CADM2: variants seen among roughly 807,000 people sequenced by gnomAD.
The protein encoded by CADM2 is cell adhesion molecule 2, also known as immunoglobulin superfamily member 4D.
CADM2 carries 12 observed loss-of-function variants against 49.8 expected under a neutral mutation model. That is an observed-to-expected ratio of 0.24 (90% CI 0.15 to 0.39). The LOEUF (loss-of-function observed/expected upper bound fraction) is 0.39. Ranked by LOEUF, CADM2 falls within the 10% of genes least tolerant of loss-of-function variation. The pLI, the probability that CADM2 is intolerant of heterozygous loss-of-function variation, is 1.00. For synonymous variants in CADM2, 214 were observed against 175.4 expected (o/e 1.22, Z -1.74); for missense variants, 378 against 492.3 (o/e 0.77, Z 2.20).
At chr3:84,999,965 G>A (rs954163152) in intron 1 of CADM2, among the ~76,000 whole-genome samples, 2 of 152,096 alleles carry the variant, frequency 1.3e-5, no homozygotes, top group Non-Finnish European at 2.9e-5. Flanking sequence ...CCCATAGCAT[G>A]TAGAAATTTC....
At chr3:85,736,636 G>T (rs1006573224) in intron 2 of CADM2, among the ~76,000 whole-genome samples, 15 of 151,678 alleles carry the variant, frequency 9.9e-5, no homozygotes, top group East Asian at 1.9e-4. Context: ...TTTCTGTTGG[G>T]TTTTTTTTCA....
At chr3:85,578,590 C>G (rs981373634) in intron 1 of CADM2, among the ~76,000 whole-genome samples, 24 of 152,210 alleles carry the variant, frequency 1.6e-4, no homozygotes, top group African/African-American at 5.5e-4. Context: ...GTCAGCATCA[C>G]TTTCTCTAGC....
intron 1 of CADM2, among the ~76,000 whole-genome samples, chr3:85,469,865 G>A (rs1157971106): frequency 6.6e-6 from 1 of 152,140 alleles, no homozygotes; most frequent in Non-Finnish European, 1.5e-5. Context: ...GGTGCCCAAT[G>A]AGTATTATAA....
chr3:85,199,370 T>TGTGAGAGAGA (rs1553694531), intron 1 of CADM2, among the ~76,000 whole-genome samples: 1 of 140,102 alleles, frequency 7.1e-6, no homozygotes, highest in Admixed American at 7.1e-5. Context: ...TGTGTGTGTA[T>TGTGAGAGAGA]GAGAGAGAGA....
intron 7 of CADM2, among the ~76,000 whole-genome samples, chr3:85,942,797 G>A (rs549778598): frequency 4.6e-5 from 7 of 152,022 alleles, no homozygotes; most frequent in African/African-American, 9.6e-5. Flanking sequence ...GTAAACATAC[G>A]TGTGCATGTG....
chr3:85,238,326 C>G (rs1702004368), intron 1 of CADM2, among the ~76,000 whole-genome samples: 1 of 151,870 alleles, frequency 6.6e-6, no homozygotes, highest in Admixed American at 6.6e-5. Flanking sequence ...TTATTTTTCA[C>G]TTCTTATGTC....
chr3:85,775,785 A>G lies in CADM2; in HGVS notation c.89-26262A>G, dbSNP rs1338968558. 3.3e-5 allele frequency among the ~76,000 whole-genome samples: 5 copies of G among 151,922 alleles called. No individual in the cohort carries two copies. The East Asian group carries it at 9.6e-4, about 29-fold the overall frequency. ...TGAAAAAGGAATTATACTCTCATTT[A>G]TGAGAAAACTATGCTCCAACCCAGA... On this transcript the variant is annotated intron_variant, in intron 2 of 9. Coordinates refer to ENST00000383699, the MANE Select transcript of CADM2 (RefSeq NM_001167675.2).
At chr3:85,308,394 A>G (rs563845356) in intron 1 of CADM2, among the ~76,000 whole-genome samples, 37 of 151,798 alleles carry the variant, frequency 2.4e-4, no homozygotes, top group Non-Finnish European at 5.3e-4. Flanking sequence ...CAGTATGCTG[A>G]TATTCTCTTC....
chr3:85,032,621 G>A (rs2035035308), intron 1 of CADM2, among the ~76,000 whole-genome samples: 1 of 152,052 alleles, frequency 6.6e-6, no homozygotes, highest in African/African-American at 2.4e-5. Context: ...ATATTTACCT[G>A]TCTCTCCCTT....
chr3:85,146,930 C>T (rs2039761565), intron 1 of CADM2, among the ~76,000 whole-genome samples: 2 of 151,384 alleles, frequency 1.3e-5, no homozygotes, highest in South Asian at 2.1e-4. Context: ...GGTTTGAATA[C>T]GATAGTGGAT....
intron 6 of CADM2, among the ~76,000 whole-genome samples, chr3:85,927,686 A>G (rs1030235160): frequency 1.3e-5 from 2 of 152,176 alleles, no homozygotes; most frequent in Non-Finnish European, 2.9e-5. Context: ...TTCACTCACT[A>G]CATTATGCAA....
chr3:85,526,411 G>C (rs17022902), intron 1 of CADM2, among the ~76,000 whole-genome samples: 6,168 of 152,172 alleles, frequency 0.041, 416 homozygotes, highest in African/African-American at 0.14. Flanking sequence ...CAGTTATGTA[G>C]CTTCTCAAAT....
chr3:85,252,820 G>C (rs749770404), intron 1 of CADM2, among the ~76,000 whole-genome samples: 2 of 150,716 alleles, frequency 1.3e-5, no homozygotes, highest in East Asian at 3.9e-4. Flanking sequence ...TCCACTAACC[G>C]TGGTCAGTAG....
intron 8 of CADM2, among the ~76,000 whole-genome samples, chr3:86,001,022 A>G (rs1025426465): frequency 6.6e-6 from 1 of 152,172 alleles, no homozygotes; most frequent in Non-Finnish European, 1.5e-5. Context: ...AAGGGTTTAG[A>G]CTACAATGTC....
chr3:85,937,738 A>G (rs895077734), intron 7 of CADM2, among the ~76,000 whole-genome samples: 4 of 151,886 alleles, frequency 2.6e-5, no homozygotes, highest in African/African-American at 9.7e-5. Context: ...GCTTTCTTCT[A>G]TATTTATATT....
At chr3:85,971,385 T>A (rs1242179094) in intron 8 of CADM2, among the ~76,000 whole-genome samples, 1 of 151,710 alleles carries the variant, frequency 6.6e-6, no homozygotes, top group African/African-American at 2.4e-5. Context: ...AGTTTTTAGA[T>A]GAGGAAGCAT....
At chr3:85,579,548 T>G (rs1463245586) in intron 1 of CADM2, among the ~76,000 whole-genome samples, 2 of 152,198 alleles carry the variant, frequency 1.3e-5, no homozygotes, top group Admixed American at 6.6e-5. Flanking sequence ...GAGTCAAGTT[T>G]GTTAACATGC....
At chr3:85,500,240 T>C (rs2040059215) in intron 1 of CADM2, among the ~76,000 whole-genome samples, 1 of 152,214 alleles carries the variant, frequency 6.6e-6, no homozygotes, top group Admixed American at 6.5e-5. Context: ...TTTTGGTTTT[T>C]TAGGCAGTAA....
At chr3:85,292,776 A>T (rs891377493) in intron 1 of CADM2, among the ~76,000 whole-genome samples, 1 of 152,244 alleles carries the variant, frequency 6.6e-6, no homozygotes, top group Non-Finnish European at 1.5e-5. Context: ...AATCTCTGGG[A>T]TGCATTAAAA....
Sources: allele counts gnomAD v4.1 joint callset (sites outside exome capture counted in the v4.1 genomes callset), GRCh38; gene constraint gnomAD v4.1.1; transcripts MANE v1.5; gene names NCBI Gene and HGNC (gene_info 2026-07-23, HGNC 2026-07-21).